The following FMNL2 variants were observed in gnomAD, a reference collection of about 807,000 sequenced individuals.
The protein encoded by FMNL2 is formin-like protein 2.
In FMNL2, 51 loss-of-function variants were observed where a neutral mutation model predicts 130.2. The ratio of observed to expected loss-of-function variants is 0.39; its 90% CI spans 0.31 to 0.49. FMNL2 has a LOEUF of 0.49. FMNL2 is among the 20% of genes least tolerant of loss of function. The pLI is 0.85. For synonymous variants in FMNL2, 465 were observed against 467.1 expected, an observed-to-expected ratio of 1.00 and a Z score of 0.06; for missense variants, 977 against 1,316.2, an observed-to-expected ratio of 0.74 and a Z score of 3.99.
chr2:152,377,600 A>G (rs1684243420), intron 1 of FMNL2, among the ~76,000 whole-genome samples: 1 of 152,244 alleles, frequency 6.6e-6, no homozygotes, highest in African/African-American at 2.4e-5. Flanking sequence ...TCCATTGGAC[A>G]GTATATAGGA....
intron 1 of FMNL2, among the ~76,000 whole-genome samples, chr2:152,361,423 C>T (rs924847156): frequency 6.6e-6 from 1 of 152,112 alleles, no homozygotes; most frequent in East Asian, 1.9e-4. Context: ...TTTCAATATA[C>T]TCTTTCACCT....
chr2:152,459,563 A>G (rs2105116262), intron 1 of FMNL2, among the ~76,000 whole-genome samples: 1 of 152,310 alleles, frequency 6.6e-6, no homozygotes, highest in Admixed American at 6.5e-5. Flanking sequence ...GCCTTTTATT[A>G]CTTTTCCTAT....
intron 1 of FMNL2, among the ~76,000 whole-genome samples, chr2:152,474,396 CAGTCAG>C (rs1690028521): frequency 6.6e-6 from 1 of 152,114 alleles, no homozygotes; most frequent in Non-Finnish European, 1.5e-5. Flanking sequence ...AATTAAGATG[CAGTCAG>C]AGCTGGGTGC....
intron 1 of FMNL2, among the ~76,000 whole-genome samples, chr2:152,449,516 G>T (rs1316542550): frequency 1.3e-5 from 2 of 152,146 alleles, no homozygotes; most frequent in East Asian, 3.9e-4. Flanking sequence ...CACCGGTCAA[G>T]GTTCTCATGG....
At chr2:152,442,891 T>C (rs1688125411) in intron 1 of FMNL2, among the ~76,000 whole-genome samples, 1 of 152,160 alleles carries the variant, frequency 6.6e-6, no homozygotes, top group African/African-American at 2.4e-5. Flanking sequence ...ATTCAGTAGG[T>C]CTGGGCTAGA....
intron 20 of FMNL2, among the ~76,000 whole-genome samples, chr2:152,631,765 G>T (rs1294356673): frequency 6.6e-6 from 1 of 152,154 alleles, no homozygotes; most frequent in Non-Finnish European, 1.5e-5. Context: ...TCATTCTTAG[G>T]TGCTTAGAGT....
intron 7 of FMNL2, chr2:152,578,486 A>G (rs774406974): frequency 3.8e-5 from 6 of 156,880 alleles, no homozygotes; most frequent in Non-Finnish European, 8.4e-5. Context: ...CAAGGTTAAT[A>G]ATCACTGGGC....
chr2:152,567,099 C>T (rs551648509), intron 6 of FMNL2, among the ~76,000 whole-genome samples: 1 of 152,224 alleles, frequency 6.6e-6, no homozygotes, highest in South Asian at 2.1e-4. Context: ...ATGGGAAGAA[C>T]ATAGAAATAT....
intron 1 of FMNL2, among the ~76,000 whole-genome samples, chr2:152,424,968 T>A (rs1312344389): frequency 6.6e-6 from 1 of 152,176 alleles, no homozygotes; most frequent in Non-Finnish European, 1.5e-5. Flanking sequence ...GGGCGCTGAG[T>A]TTGTGTTGTT....
chr2:152,500,145 A>G (rs1249449112), intron 1 of FMNL2, among the ~76,000 whole-genome samples: 1 of 152,156 alleles, frequency 6.6e-6, no homozygotes, highest in Non-Finnish European at 1.5e-5. Context: ...GAATCTGTGA[A>G]GAGAACATGT....
At chr2:152,567,706 A>G (rs1409105976) in intron 6 of FMNL2, among the ~76,000 whole-genome samples, 1 of 152,230 alleles carries the variant, frequency 6.6e-6, no homozygotes, top group East Asian at 1.9e-4. Flanking sequence ...GACTGGTACA[A>G]TTCTGCCAAA....
At chr2:152,382,539 G>T (rs928090381) in intron 1 of FMNL2, among the ~76,000 whole-genome samples, 1 of 152,136 alleles carries the variant, frequency 6.6e-6, no homozygotes, top group East Asian at 1.9e-4. Context: ...GCTAATAGAG[G>T]CTAAAGAGTC....
In FMNL2 at chr2:152,648,808, A is replaced by AT. The variant is rs1358645587; in HGVS notation, c.*909dup. On this transcript the variant is annotated 3_prime_UTR_variant, in exon 26 of 26. Coordinates refer to ENST00000288670, the MANE Select transcript of FMNL2 (RefSeq NM_052905.4). ...CCTCTGACAATCGCAATTTTTTCTTATTTTTTATAAATTCAAGAAGATACA... is the reference window on the plus strand; with the variant it reads ...CCTCTGACAATCGCAATTTTTTCTTATTTTTTTATAAATTCAAGAAGATACA... The AT allele has an allele frequency of 2.0e-5, 3 of 152,554 alleles. No individual in the cohort carries two copies. Among genetic ancestry groups the AT allele is most frequent in the South Asian group, 2.1e-4 (1 of 4,832 alleles). The allele number at this position is 152,554 out of a possible 1,614,324, so 9.5% of individuals were successfully genotyped here.
At chr2:152,604,976 A>G (rs1698284224) in intron 9 of FMNL2, among the ~76,000 whole-genome samples, 1 of 144,426 alleles carries the variant, frequency 6.9e-6, no homozygotes, top group Non-Finnish European at 1.5e-5. Flanking sequence ...TTACCCACAG[A>G]TCCCTTTTTG....
intron 6 of FMNL2, among the ~76,000 whole-genome samples, chr2:152,567,583 T>C (rs575944959): frequency 1.3e-5 from 2 of 152,306 alleles, no homozygotes; most frequent in South Asian, 2.1e-4. Flanking sequence ...ATGAGTTTAA[T>C]TGATAGAAAA....
intron 1 of FMNL2, among the ~76,000 whole-genome samples, chr2:152,514,677 C>G (rs10168692): frequency 0.33 from 49,450 of 151,902 alleles, 8,359 homozygotes; most frequent in East Asian, 0.57. Context: ...AAATTGGGCA[C>G]AGTGAGAAAT....
At chr2:152,532,952 T>C (rs1693789987) in intron 2 of FMNL2, among the ~76,000 whole-genome samples, 1 of 152,188 alleles carries the variant, frequency 6.6e-6, no homozygotes, top group African/African-American at 2.4e-5. Flanking sequence ...CTTAGTGAGC[T>C]GCAGAAGTTT....
rs1436041753 is a variant in FMNL2 at position 152,636,585 on chromosome 2, G to A, written c.2839G>A (p.Ala947Thr). 3.2e-6 allele frequency: 5 copies of A among 1,557,694 alleles called. No homozygotes were observed. Among genetic ancestry groups the A allele is most frequent in the Admixed American group, 1.9e-5 (1 of 51,428 alleles). ...LKKLQDDAKI[A>T]QDAFDDVVKY... ...GAAGCTGCAGGATGATGCCAAGATC[G>A]CACAGGCAAGTATTGGTGCCCCTGA... The change falls in exon 22 of 26, where the codon GCA becomes ACA. Residue 947 changes from alanine (A) to threonine (T), a missense_variant. By Grantham distance (58) the Ala-to-Thr change is moderately conservative (BLOSUM62 0). This residue lies in a region of FMNL2 where 689 missense variants were observed against 995.9 expected (regional missense o/e 0.69). Coordinates refer to ENST00000288670, the MANE Select transcript of FMNL2 (RefSeq NM_052905.4).
chr2:152,591,177 T>C (rs1400651483), intron 9 of FMNL2, among the ~76,000 whole-genome samples: 1 of 151,286 alleles, frequency 6.6e-6, no homozygotes, highest in Non-Finnish European at 1.5e-5. Context: ...CCTGGCTAAT[T>C]TTTTTGTATT....
Sources: gnomAD v4.1 joint callset for allele counts (sites outside exome capture counted in the v4.1 genomes callset) on GRCh38, gnomAD v4.1.1 for gene constraint, gnomAD v4.1.1 regional missense constraint, MANE v1.5 for transcripts, NCBI Gene and HGNC (gene_info 2026-07-23, HGNC 2026-07-21) for gene names.